SMARCB1: variants seen among roughly 807,000 people sequenced by gnomAD.
SMARCB1 encodes SWI/SNF-related matrix-associated actin-dependent regulator of chromatin subfamily B member 1.
A neutral mutation model predicts 49.0 loss-of-function variants in SMARCB1; 5 were observed. The observed-to-expected ratio is 0.10, with a 90% confidence interval of 0.05 to 0.21. The LOEUF is 0.21. Among genes scored for constraint, SMARCB1 ranks in the 10% least tolerant of loss-of-function variants. The probability of loss-of-function intolerance (pLI) is 1.00; values close to 1 mark genes in which losing one functional copy is unlikely to be tolerated. For synonymous variants in SMARCB1, 201 were observed against 200.1 expected (o/e 1.00, Z -0.04); for missense variants, 226 against 509.2 (o/e 0.44, Z 5.35).
At chr22:23,811,272 AAAAGGAGAAAT>A (rs1435043690) in intron 5 of SMARCB1, among the ~76,000 whole-genome samples, 1 of 152,232 alleles carries the variant, frequency 6.6e-6, no homozygotes, top group Non-Finnish European at 1.5e-5. Context: ...AGATAGAACC[AAAAGGAGAAAT>A]AAACAAATTC....
At position 23,835,548 on chromosome 22, in the gene SMARCB1, C is replaced by T; in HGVS notation, c.*1368C>T. The T allele has an allele frequency of 1.0e-6, 1 of 985,472 alleles. No homozygotes were observed. Among genetic ancestry groups the T allele is most frequent in the Non-Finnish European group, 1.2e-6 (1 of 829,942 alleles). 61.0% of individuals were successfully genotyped at this position (985,472 alleles called of 1,614,324 possible). A position where few individuals can be genotyped will look rare whatever the true frequency, so the allele number is the denominator to read the frequency against. On this transcript the variant is annotated 3_prime_UTR_variant, in exon 9 of 9. Transcript: ENST00000644036. ...GCACATGTTAGCATGGGACTCTTCC[C>T]AGGGAGTTTGCACTCAGGGCCTCTG...
At chr22:23,823,416 A>C (rs557074281) in intron 6 of SMARCB1, 1 of 152,420 alleles carries the variant, frequency 6.6e-6, no homozygotes, top group Admixed American at 6.5e-5. Context: ...TCCATTCATC[A>C]TCAGGCGTGG....
At chr22:23,819,189 G>A (rs769318017) in intron 6 of SMARCB1, among the ~76,000 whole-genome samples, 1 of 152,130 alleles carries the variant, frequency 6.6e-6, no homozygotes, top group African/African-American at 2.4e-5. Flanking sequence ...TCTGTTGTAT[G>A]GATCTATCAC....
Position 23,787,366 on chromosome 22 carries a change from G to GGC in SMARCB1, c.93+119_93+120dup, listed in dbSNP as rs55705149. ...GCGTCTCCATTCATCGGGGCGGGCG[G>GGC]GCGCGCGCGCGCGCGCTCGGGGCTG... On this transcript the variant is annotated intron_variant, in intron 1 of 8. Transcript: ENST00000644036. 67,006 of 481,104 alleles carry GGC rather than the reference G, an allele frequency of 0.14. 4,528 individuals carry two copies. Among genetic ancestry groups the GGC allele is most frequent in the African/African-American group, 0.29 (11,141 of 38,976 alleles). 29.8% of individuals were successfully genotyped at this position (481,104 alleles called of 1,614,324 possible). A position where few individuals can be genotyped will look rare whatever the true frequency, so the allele number is the denominator to read the frequency against.
In SMARCB1 at chr22:23,834,587, G is replaced by T; in HGVS notation, c.*407G>T. 1 of 710,384 alleles carries T rather than the reference G, an allele frequency of 1.4e-6. No individual in the cohort carries two copies. Among genetic ancestry groups the T allele is most frequent in the Admixed American group, 2.0e-5 (1 of 49,012 alleles). The allele number at this position is 710,384 out of a possible 1,614,324, so 44.0% of individuals were successfully genotyped here. A position where few individuals can be genotyped will look rare whatever the true frequency, so the allele number is the denominator to read the frequency against. ...GAGCCAGGAGTGGGGCCGGGGCCTG[G>T]GGGGACGAAGGTGGTATGTGAACAA... On this transcript the variant is annotated 3_prime_UTR_variant, in exon 9 of 9. Transcript: ENST00000644036.
At chr22:23,809,713 A>G (rs1179993438) in intron 5 of SMARCB1, among the ~76,000 whole-genome samples, 4 of 151,548 alleles carry the variant, frequency 2.6e-5, no homozygotes, top group African/African-American at 9.7e-5. Flanking sequence ...GCCCAGCCGA[A>G]TGATGGTAGA....
chr22:23,788,918 C>T (rs966015886), intron 1 of SMARCB1, among the ~76,000 whole-genome samples: 1 of 151,766 alleles, frequency 6.6e-6, no homozygotes, highest in Non-Finnish European at 1.5e-5. Context: ...GGTGTAATCT[C>T]GGCTCACTGC....
chr22:23,815,610 A>G (rs1275887641), intron 5 of SMARCB1: 1 of 152,244 alleles, frequency 6.6e-6, no homozygotes, highest in South Asian at 2.1e-4. Flanking sequence ...ATGTTTATAC[A>G]ATAGCCTACA....
At chr22:23,793,763 T>G in intron 3 of SMARCB1, 75 bp downstream of exon 3, 2 of 1,433,960 alleles carry the variant, frequency 1.4e-6, no homozygotes, top group Non-Finnish European at 2.0e-6. Context: ...CTGGTTGGGT[T>G]GAAGTTAAAT....
chr22:23,808,320 A>C (rs1601411283), intron 5 of SMARCB1, among the ~76,000 whole-genome samples: 1 of 152,238 alleles, frequency 6.6e-6, no homozygotes, highest in Non-Finnish European at 1.5e-5. Flanking sequence ...ACAGGGTTTC[A>C]CCGTGTTAGC....
chr22:23,801,465 C>T (rs967276107), intron 4 of SMARCB1: 14 of 513,544 alleles, frequency 2.7e-5, no homozygotes, highest in Admixed American at 2.2e-4. Flanking sequence ...GAGTAAACCA[C>T]CACAAACTGG....
intron 3 of SMARCB1, among the ~76,000 whole-genome samples, chr22:23,795,133 A>G (rs1315167891): frequency 6.6e-6 from 1 of 152,038 alleles, no homozygotes; most frequent in Admixed American, 6.6e-5. Flanking sequence ...CAAAAATTCC[A>G]AGCATAAGAC....
intron 6 of SMARCB1, among the ~76,000 whole-genome samples, chr22:23,820,403 GTC>G (rs1474063689): frequency 6.6e-6 from 1 of 152,052 alleles, no homozygotes; most frequent in East Asian, 1.9e-4. Context: ...GTGAAACCCC[GTC>G]TCTACTAAAA....
intron 5 of SMARCB1, chr22:23,803,737 A>C (rs1206339141): frequency 2.3e-6 from 1 of 429,424 alleles, no homozygotes; most frequent in Non-Finnish European, 4.4e-6. Context: ...TCAGCCCCCG[A>C]GCCCTGCACA....
chr22:23,836,562 C>G lies in SMARCB1; in HGVS notation c.*2382C>G. 2 of 1,103,412 alleles carry G rather than the reference C, an allele frequency of 1.8e-6. No individual in the cohort carries two copies. The highest frequency in any genetic ancestry group is 1.1e-4 in the East Asian group (2 of 18,772). 68.4% of individuals were successfully genotyped at this position (1,103,412 alleles called of 1,614,324 possible). On this transcript the variant is annotated 3_prime_UTR_variant, in exon 9 of 9. Transcript: ENST00000644036. ...GAGCTCAAAAGCTCTGCCTGGCAACCTGTGAGCTCAAAGCTCTGCCAGGCA... is the reference window on the plus strand; with the variant it reads ...GAGCTCAAAAGCTCTGCCTGGCAACGTGTGAGCTCAAAGCTCTGCCAGGCA...
chr22:23,818,132 CTTTGGGTGTGTG>C (rs2029882580), intron 6 of SMARCB1: 1 of 118,780 alleles, frequency 8.4e-6, no homozygotes, highest in Non-Finnish European at 1.7e-5. Context: ...GGCCGAAATA[CTTTGGGTGTGTG>C]TGTGTGTGTG....
intron 6 of SMARCB1, among the ~76,000 whole-genome samples, chr22:23,821,159 T>G (rs2030066558): frequency 6.6e-6 from 1 of 152,178 alleles, no homozygotes; most frequent in Non-Finnish European, 1.5e-5. Context: ...ACCTGGGGGA[T>G]GGTGGCAGCT....
intron 6 of SMARCB1, chr22:23,817,532 C>T (rs1478244106): frequency 6.4e-6 from 1 of 157,220 alleles, no homozygotes; most frequent in Non-Finnish European, 1.4e-5. Flanking sequence ...CTAAAAAGGT[C>T]AGTGGTTTGG....
In SMARCB1 at chr22:23,818,902, G is replaced by A. The variant is rs149684872; in HGVS notation, c.795+1966G>A. Among the ~76,000 whole-genome samples, 16 of 151,928 alleles carry A rather than the reference G, an allele frequency of 1.1e-4. No individual in the cohort carries two copies. In the East Asian group the frequency reaches 2.3e-3, roughly 22 times the overall value. On this transcript the variant is annotated intron_variant, in intron 6 of 8. Transcript: ENST00000644036. ...GTTGCCCAGGCTGGAGTGCAGTGGC[G>A]CAGTTATGGCTCACTGCAACCTCTG...
Sources: gnomAD v4.1 joint callset for allele counts (sites outside exome capture counted in the v4.1 genomes callset) on GRCh38, gnomAD v4.1.1 for gene constraint, MANE v1.5 for transcripts, NCBI Gene and HGNC (gene_info 2026-07-23, HGNC 2026-07-21) for gene names.